PRKAR2A: variants seen among roughly 807,000 people sequenced by gnomAD.
PRKAR2A encodes cAMP-dependent protein kinase type II-alpha regulatory subunit.
A neutral mutation model predicts 51.9 loss-of-function variants in PRKAR2A; 29 were observed. That is an observed-to-expected ratio of 0.56 (90% CI 0.42 to 0.76). The LOEUF is 0.76. PRKAR2A is among the 30% of genes least tolerant of loss of function. The pLI is 0.00. For missense variants in PRKAR2A, 445 were observed against 512.1 expected (o/e 0.87, Z 1.26); for synonymous variants, 178 against 186.2 (o/e 0.96, Z 0.36).
rs1448274867 is a variant in PRKAR2A at position 48,814,582 on chromosome 3, T to G, written c.263-6898A>C. On this transcript the variant is annotated intron_variant, in intron 1 of 10. Transcript: ENST00000265563. ...TATTTTTTGAATCTTGATCTAAGTT[T>G]GGCCATTTTGCTGATTTTAAACATT... Among the ~76,000 whole-genome samples, 9 of 152,246 alleles carry G rather than the reference T, an allele frequency of 5.9e-5. No individual in the cohort carries two copies. The South Asian group carries it at 1.9e-3, about 31-fold the overall frequency.
At chr3:48,762,874 G>C (rs1258698255) in intron 8 of PRKAR2A, among the ~76,000 whole-genome samples, 2 of 152,096 alleles carry the variant, frequency 1.3e-5, no homozygotes, top group African/African-American at 4.8e-5. Flanking sequence ...CTAAGAGAAA[G>C]AAGCCAGACA....
intron 5 of PRKAR2A, among the ~76,000 whole-genome samples, chr3:48,777,697 G>A (rs546634654): frequency 3.3e-5 from 5 of 152,016 alleles, no homozygotes; most frequent in Non-Finnish European, 5.9e-5. Flanking sequence ...GAGGCACCGC[G>A]CCAGGCCTTT....
At chr3:48,811,703 GAA>G (rs57455836) in intron 1 of PRKAR2A, among the ~76,000 whole-genome samples, 17,875 of 152,084 alleles carry the variant, frequency 0.12, 2,924 homozygotes, top group East Asian at 0.75. Context: ...CTGAGGGAAT[GAA>G]AAGATTCTTC....
At chr3:48,806,468 A>G (rs899648108) in intron 2 of PRKAR2A, among the ~76,000 whole-genome samples, 1 of 152,214 alleles carries the variant, frequency 6.6e-6, no homozygotes, top group Non-Finnish European at 1.5e-5. Flanking sequence ...CCTTCTCAGG[A>G]ACAATCATTG....
At chr3:48,764,808 A>G (rs918053397) in intron 8 of PRKAR2A, among the ~76,000 whole-genome samples, 196 bp downstream of exon 8, 4 of 152,148 alleles carry the variant, frequency 2.6e-5, no homozygotes, top group African/African-American at 9.7e-5. Context: ...TATTTTTAGT[A>G]GAGATGGAGT....
At chr3:48,792,262 C>T (rs1451287134) in intron 3 of PRKAR2A, among the ~76,000 whole-genome samples, 1 of 151,346 alleles carries the variant, frequency 6.6e-6, no homozygotes, top group East Asian at 2.0e-4. Flanking sequence ...CTGCCTCAGC[C>T]TCCTGAGTAG....
At chr3:48,825,829 T>A (rs1431301670) in intron 1 of PRKAR2A, among the ~76,000 whole-genome samples, 5 of 152,198 alleles carry the variant, frequency 3.3e-5, no homozygotes, top group African/African-American at 1.2e-4. Context: ...CTAACTGGTA[T>A]ACTTCCATAC....
intron 6 of PRKAR2A, among the ~76,000 whole-genome samples, chr3:48,769,420 G>A (rs1044889469): frequency 4.6e-5 from 7 of 151,494 alleles, no homozygotes; most frequent in Admixed American, 2.0e-4. Flanking sequence ...GCCTCCCAAA[G>A]TGCTGGTATT....
chr3:48,803,044 C>A (rs1202275837), intron 2 of PRKAR2A, among the ~76,000 whole-genome samples: 1 of 152,086 alleles, frequency 6.6e-6, no homozygotes, highest in Non-Finnish European at 1.5e-5. Flanking sequence ...AGAACAAGAT[C>A]ATCTGCTAAG....
At chr3:48,843,144 A>G (rs1411658674) in intron 1 of PRKAR2A, among the ~76,000 whole-genome samples, 1 of 152,080 alleles carries the variant, frequency 6.6e-6, no homozygotes, top group Non-Finnish European at 1.5e-5. Flanking sequence ...TAGTCTTGGG[A>G]GAGTGTGTCG....
intron 9 of PRKAR2A, 21 bp downstream of exon 9, chr3:48,756,358 C>T (rs764255648): frequency 1.3e-6 from 2 of 1,596,930 alleles, no homozygotes; most frequent in South Asian, 1.1e-5. Flanking sequence ...TACACCATCA[C>T]ATATAAACTG....
chr3:48,804,295 C>T (rs2082638574), intron 2 of PRKAR2A, among the ~76,000 whole-genome samples: 1 of 151,888 alleles, frequency 6.6e-6, no homozygotes, highest in Admixed American at 6.6e-5. Context: ...ACCCTGTCTC[C>T]ACTAAAAATA....
At chr3:48,789,877 CCTT>C (rs981250696) in intron 4 of PRKAR2A, among the ~76,000 whole-genome samples, 1 of 151,490 alleles carries the variant, frequency 6.6e-6, no homozygotes, top group Non-Finnish European at 1.5e-5. Context: ...TTCCTTTCTT[CCTT>C]TTCTTTCTCT....
chr3:48,829,567 C>T (rs1231380354), intron 1 of PRKAR2A, among the ~76,000 whole-genome samples: 2 of 89,722 alleles, frequency 2.2e-5, no homozygotes, highest in Non-Finnish European at 4.3e-5. Flanking sequence ...TATATATACA[C>T]ACATAAATAT....
At chr3:48,791,102 C>T (rs1398068347) in intron 3 of PRKAR2A, among the ~76,000 whole-genome samples, 1 of 151,726 alleles carries the variant, frequency 6.6e-6, no homozygotes, top group African/African-American at 2.4e-5. Flanking sequence ...TCTTGGCCAA[C>T]GTGGTAAAAC....
chr3:48,774,988 T>C (rs1012856676), intron 5 of PRKAR2A, among the ~76,000 whole-genome samples: 5 of 152,216 alleles, frequency 3.3e-5, no homozygotes, highest in African/African-American at 1.2e-4. Flanking sequence ...CTGTAGGTTT[T>C]TAATAAATGC....
At chr3:48,830,538 T>C (rs2107439146) in intron 1 of PRKAR2A, among the ~76,000 whole-genome samples, 1 of 152,264 alleles carries the variant, frequency 6.6e-6, no homozygotes, top group Admixed American at 6.5e-5. Context: ...ACATAATTAT[T>C]ATTATCAAGT....
At chr3:48,820,381 G>T (rs992292642) in intron 1 of PRKAR2A, among the ~76,000 whole-genome samples, 12 of 152,146 alleles carry the variant, frequency 7.9e-5, no homozygotes, top group African/African-American at 2.9e-4. Context: ...ATGGAGAAAA[G>T]GGAACACATT....
chr3:48,810,848 A>G lies in PRKAR2A; in HGVS notation c.263-3164T>C, dbSNP rs182496756. On this transcript the variant is annotated intron_variant, in intron 1 of 10. Transcript: ENST00000265563. ...TGGTACAGTTATAGTACAAACCTCT[A>G]TGTAGCCATTTAAATGAATGCAATG... is the stretch of plus-strand genomic sequence containing the variant. 1.2e-3 allele frequency among the ~76,000 whole-genome samples: 189 copies of G among 152,250 alleles called. 2 individuals carry two copies. The highest frequency in any genetic ancestry group is 3.9e-3 in the African/African-American group (162 of 41,554).
Sources: gnomAD v4.1 joint callset for allele counts (sites outside exome capture counted in the v4.1 genomes callset) on GRCh38, gnomAD v4.1.1 for gene constraint, MANE v1.5 for transcripts, NCBI Gene and HGNC (gene_info 2026-07-23, HGNC 2026-07-21) for gene names.